Variants in KIRREL3 observed in about 807,000 individuals in gnomAD.
KIRREL3 encodes the protein kirre like nephrin family adhesion molecule 3.
KIRREL3 carries 36 observed loss-of-function variants against 89.7 expected under a neutral mutation model. The ratio of observed to expected loss-of-function variants is 0.40; its 90% CI spans 0.31 to 0.53. The LOEUF (loss-of-function observed/expected upper bound fraction) is 0.53, where lower values mean the gene tolerates loss of function less well. Ranked by LOEUF, KIRREL3 falls within the 20% of genes least tolerant of loss-of-function variation. The pLI is 0.49. For synonymous variants in KIRREL3, 445 were observed against 441.4 expected (o/e 1.01, Z -0.10); for missense variants, 864 against 1,056.6 (o/e 0.82, Z 2.53).
intron 1 of KIRREL3, among the ~76,000 whole-genome samples, chr11:126,956,564 C>G (rs1473545747): frequency 6.6e-6 from 1 of 152,108 alleles, no homozygotes; most frequent in Non-Finnish European, 1.5e-5. Context: ...AGCAGCAGCC[C>G]AAGGAGACGT....
intron 1 of KIRREL3, among the ~76,000 whole-genome samples, chr11:126,717,660 C>T (rs1948018640): frequency 6.6e-6 from 1 of 152,228 alleles, no homozygotes; most frequent in African/African-American, 2.4e-5. Context: ...AGTTCAGAGT[C>T]ATTGCCAAAC....
chr11:126,702,981 A>G (rs1393385419), intron 1 of KIRREL3, among the ~76,000 whole-genome samples: 1 of 152,168 alleles, frequency 6.6e-6, no homozygotes, highest in Non-Finnish European at 1.5e-5. Context: ...CCTGAGGGCA[A>G]TTGTTGCTTT....
Position 126,946,474 on chromosome 11 carries a change from C to T in KIRREL3, c.55+53981G>A, listed in dbSNP as rs1047952630. Among the ~76,000 whole-genome samples the T allele has an allele frequency of 2.0e-5, 3 of 152,194 alleles. No homozygotes were observed. The highest frequency in any genetic ancestry group is 7.2e-5 in the African/African-American group (3 of 41,456). On this transcript the variant is annotated intron_variant, in intron 1 of 16. Coordinates refer to ENST00000525144, the MANE Select transcript of KIRREL3 (RefSeq NM_032531.4). The surrounding 1 kb of genome is among the most constrained non-coding windows in gnomAD (Gnocchi z 4.1). ...ACACACAGTTGAAAAAGGACTAATACAAATGCCCATAAAATCTACAGACTA... is the reference window on the plus strand; with the variant it reads ...ACACACAGTTGAAAAAGGACTAATATAAATGCCCATAAAATCTACAGACTA...
chr11:126,988,376 C>T (rs1949931627), intron 1 of KIRREL3: 1 of 152,820 alleles, frequency 6.5e-6, no homozygotes, highest in South Asian at 2.1e-4. Context: ...TTTATCAGCT[C>T]TCCGTCCCAA....
rs953065351 is a variant in KIRREL3 at position 126,477,181 on chromosome 11, G to T, written c.434-3715C>A. On this transcript the variant is annotated intron_variant, in intron 4 of 16. Coordinates refer to ENST00000525144, the MANE Select transcript of KIRREL3 (RefSeq NM_032531.4). This position sits in a 1 kb window ranked among gnomAD's most constrained non-coding sequence, Gnocchi z 4.8. ...CACTCCTGCACCCAGCTGGCTCCTG[G>T]GGCATTGATTATGAAAGAAACACAT... Among the ~76,000 whole-genome samples the T allele has an allele frequency of 1.3e-5, 2 of 152,186 alleles. No individual in the cohort carries two copies. The highest frequency in any genetic ancestry group is 4.8e-5 in the African/African-American group (2 of 41,442).
In KIRREL3 at chr11:126,609,806, C is replaced by A. The variant is rs559800932; in HGVS notation, c.56-46894G>T. The stretch of plus-strand genomic sequence containing the variant: ...TATACAGCAAAAGTTGAGAGCCACT[C>A]GCAGCTCCAGCACATTCTTACTGTG... On this transcript the variant is annotated intron_variant, in intron 1 of 16. Transcript: ENST00000525144. This position sits in a 1 kb window ranked among gnomAD's most constrained non-coding sequence, Gnocchi z 5.0. Among the ~76,000 whole-genome samples, 4 of 152,196 alleles carry A rather than the reference C, an allele frequency of 2.6e-5. No individual in the cohort carries two copies. Among genetic ancestry groups the A allele is most frequent in the African/African-American group, 7.2e-5 (3 of 41,528 alleles).
chr11:126,830,387 C>A lies in KIRREL3; in HGVS notation c.55+170068G>T, dbSNP rs1943565205. Among the ~76,000 whole-genome samples, 1 of 152,120 alleles carries A rather than the reference C, an allele frequency of 6.6e-6. No homozygotes were observed. Among genetic ancestry groups the A allele is most frequent in the South Asian group, 2.1e-4 (1 of 4,818 alleles). On this transcript the variant is annotated intron_variant, in intron 1 of 16. Transcript: ENST00000525144. The surrounding 1 kb of genome is among the most constrained non-coding windows in gnomAD (Gnocchi z 4.9). Reference sequence around the variant, plus strand: ...CAAGTGGCGCCCACAGAATGGAACACAAAGGCAACTTGGAAATTTTAATGA... The same window carrying A: ...CAAGTGGCGCCCACAGAATGGAACAAAAAGGCAACTTGGAAATTTTAATGA...
At position 126,447,199 on chromosome 11, in the gene KIRREL3, G is replaced by A. The variant is rs558873789; in HGVS notation, c.998-313C>T. On this transcript the variant is annotated intron_variant, in intron 8 of 16. Transcript: ENST00000525144. Reference sequence around the variant, plus strand: ...AGGTTCTGCCTGGATTTACCCCCACGGCTCTCATCCCCTTCCCTCTGTCTG... The same window carrying A: ...AGGTTCTGCCTGGATTTACCCCCACAGCTCTCATCCCCTTCCCTCTGTCTG... Among the ~76,000 whole-genome samples the A allele has an allele frequency of 5.3e-5, 8 of 152,300 alleles. No individual in the cohort carries two copies. The South Asian group carries it at 6.2e-4, about 12-fold the overall frequency.
rs1182075616 is a variant in KIRREL3, at chr11:126,565,486, A to T, written c.56-2574T>A. Among the ~76,000 whole-genome samples the T allele has an allele frequency of 6.6e-6, 1 of 152,246 alleles. No individual in the cohort carries two copies. Among genetic ancestry groups the T allele is most frequent in the African/African-American group, 2.4e-5 (1 of 41,464 alleles). On this transcript the variant is annotated intron_variant, in intron 1 of 16. Coordinates refer to ENST00000525144, the MANE Select transcript of KIRREL3 (RefSeq NM_032531.4). The surrounding 1 kb of genome is among the most constrained non-coding windows in gnomAD (Gnocchi z 5.4). ...TCATTTAATTTGACACGCGTGGGTT[A>T]GTCTTAATTATTTAGGCGGCTACGT...
chr11:126,638,331 C>G (rs1944342995), intron 1 of KIRREL3, among the ~76,000 whole-genome samples: 1 of 152,232 alleles, frequency 6.6e-6, no homozygotes, highest in South Asian at 2.1e-4. Flanking sequence ...ATTCCATCAT[C>G]TCCTGTTGTT....
In KIRREL3 at chr11:126,780,647, T is replaced by A. The variant is rs555665459; in HGVS notation, c.56-217735A>T. ...ACCCAGAGGTGCCCAGATGCCCACATCTGGCAACAGATCCATCTCCTTGAG... is the reference window on the plus strand; with the variant it reads ...ACCCAGAGGTGCCCAGATGCCCACAACTGGCAACAGATCCATCTCCTTGAG... On this transcript the variant is annotated intron_variant, in intron 1 of 16. Coordinates refer to ENST00000525144, the MANE Select transcript of KIRREL3 (RefSeq NM_032531.4). This position sits in a 1 kb window ranked among gnomAD's most constrained non-coding sequence, Gnocchi z 5.3. Among the ~76,000 whole-genome samples, 24 of 152,254 alleles carry A rather than the reference T, an allele frequency of 1.6e-4. No homozygotes were observed. Among genetic ancestry groups the A allele is most frequent in the African/African-American group, 4.8e-4 (20 of 41,558 alleles).
In KIRREL3 at chr11:126,754,960, G is replaced by A. The variant is rs1030992045; in HGVS notation, c.56-192048C>T. Among the ~76,000 whole-genome samples, 1 of 152,212 alleles carries A rather than the reference G, an allele frequency of 6.6e-6. No homozygotes were observed. Among genetic ancestry groups the A allele is most frequent in the Non-Finnish European group, 1.5e-5 (1 of 68,026 alleles). On this transcript the variant is annotated intron_variant, in intron 1 of 16. Transcript: ENST00000525144. This position sits in a 1 kb window ranked among gnomAD's most constrained non-coding sequence, Gnocchi z 5.1. ...AATACACAGCAAGAGAGGCGGATGT[G>A]AAGAAAAGCTGTTTGCTTGACACAA...
At chr11:126,646,253 A>C (rs1944665371) in intron 1 of KIRREL3, among the ~76,000 whole-genome samples, 1 of 152,092 alleles carries the variant, frequency 6.6e-6, no homozygotes. Context: ...TTTTCATTTA[A>C]AACACATCTT....
At chr11:126,479,112 C>T (rs1204858551) in intron 4 of KIRREL3, among the ~76,000 whole-genome samples, 3 of 152,102 alleles carry the variant, frequency 2.0e-5, no homozygotes, top group African/African-American at 7.2e-5. Context: ...GGGAGAAGGA[C>T]GTTTGTGGGT....
At chr11:126,951,686 A>G (rs770975128) in intron 1 of KIRREL3, among the ~76,000 whole-genome samples, 3 of 152,210 alleles carry the variant, frequency 2.0e-5, no homozygotes, top group Non-Finnish European at 1.5e-5. Flanking sequence ...TTCAAGTGTC[A>G]GGCATTAAGC....
At chr11:126,464,345 C>CAA (rs59100386) in intron 5 of KIRREL3, among the ~76,000 whole-genome samples, 16,083 of 94,580 alleles carry the variant, frequency 0.17, 1,682 homozygotes, top group East Asian at 0.38. Flanking sequence ...CTGTCACTAC[C>CAA]AAAAAAAAAA....
At position 126,977,816 on chromosome 11, in the gene KIRREL3, T is replaced by A. The variant is rs76298645; in HGVS notation, c.55+22639A>T. Among the ~76,000 whole-genome samples the A allele has an allele frequency of 2.0e-5, 3 of 152,322 alleles. No individual in the cohort carries two copies. Among genetic ancestry groups the A allele is most frequent in the African/African-American group, 7.2e-5 (3 of 41,564 alleles). ...CAGGACCAGCCTTCCAACCAGTGTC[T>A]GGAGAGCTGAAGTTGTCAACCCTGG... On this transcript the variant is annotated intron_variant, in intron 1 of 16. Transcript: ENST00000525144. The surrounding 1 kb of genome is among the most constrained non-coding windows in gnomAD (Gnocchi z 4.7).
In KIRREL3 at chr11:126,513,728, C is replaced by T. The variant is rs114185752; in HGVS notation, c.433+7587G>A. On this transcript the variant is annotated intron_variant, in intron 4 of 16. Transcript: ENST00000525144. The surrounding 1 kb of genome is among the most constrained non-coding windows in gnomAD (Gnocchi z 5.9). ...ATGGGGGCAGGGAGATTGTGGGGGG[C>T]GACCTTGGAGTGCAGCAGGAGGGCA... 3.9e-3 allele frequency among the ~76,000 whole-genome samples: 594 copies of T among 152,112 alleles called. 5 individuals are homozygous for T. The highest frequency in any genetic ancestry group is 0.014 in the African/African-American group (570 of 41,486).
At chr11:126,960,372 C>A (rs908889226) in intron 1 of KIRREL3, among the ~76,000 whole-genome samples, 1 of 152,042 alleles carries the variant, frequency 6.6e-6, no homozygotes, top group Non-Finnish European at 1.5e-5. Context: ...GATATCCAGC[C>A]GAGGACACTG....
Sources: gnomAD v4.1 joint callset for allele counts (sites outside exome capture counted in the v4.1 genomes callset) on GRCh38, gnomAD v4.1.1 for gene constraint, Gnocchi (gnomAD v3.1) non-coding constraint, MANE v1.5 for transcripts, NCBI Gene and HGNC (gene_info 2026-07-23, HGNC 2026-07-21) for gene names.